Variants in CCDC172 observed in about 807,000 individuals in gnomAD.
CCDC172 encodes the protein coiled-coil domain-containing protein 172.
In CCDC172, 30 loss-of-function variants were observed where a neutral mutation model predicts 38.0. The observed-to-expected ratio is 0.79, with a 90% CI of 0.59 to 1.07. The LOEUF (loss-of-function observed/expected upper bound fraction) is 1.07, where lower values mean the gene tolerates loss of function less well. CCDC172 is among the 50% of genes least tolerant of loss of function. The pLI, the probability that CCDC172 is intolerant of heterozygous loss-of-function variation, is 0.00. For synonymous variants in CCDC172, 78 were observed against 88.3 expected (o/e 0.88, Z 0.66); for missense variants, 297 against 290.1 (o/e 1.02, Z -0.17).
At chr10:116,351,663 C>G (rs1423170055) in intron 5 of CCDC172, among the ~76,000 whole-genome samples, 1 of 152,076 alleles carries the variant, frequency 6.6e-6, no homozygotes. Context: ...TCTATCACAA[C>G]TAAAAGACTG....
chr10:116,324,734 G>A (rs1844568252), intron 1 of CCDC172, 121 bp downstream of exon 1: 1 of 431,608 alleles, frequency 2.3e-6, no homozygotes, highest in East Asian at 4.2e-5. Context: ...CTTAGGGCGT[G>A]AGGGAGAAAA....
intron 3 of CCDC172, among the ~76,000 whole-genome samples, chr10:116,334,326 A>G (rs1844703121): frequency 6.6e-6 from 1 of 152,176 alleles, no homozygotes; most frequent in Non-Finnish European, 1.5e-5. Context: ...AAATTAAGAT[A>G]GTTTGATTGT....
Position 116,357,861 on chromosome 10 carries a change from C to T in CCDC172, c.576C>T (p.Ser192=). 1 of 1,526,654 alleles carries T rather than the reference C, an allele frequency of 6.6e-7. No individual in the cohort carries two copies. Among genetic ancestry groups the T allele is most frequent in the Non-Finnish European group, 8.9e-7 (1 of 1,125,860 alleles). The allele number at this position is 1,526,654 out of a possible 1,614,324, so 94.6% of individuals were successfully genotyped here. ...TTTTTGAAGATGAAGAGAATGAATC[C>T]ATTTGTACTACCAAATATCTAGAGG... The part of the protein sequence containing the change: ...LKVFEDEENE[S]ICTTKYLEAE... Residue 192 remains serine, a synonymous_variant, in exon 7 of 9, where the codon TCC becomes TCT. Coordinates refer to ENST00000333254, the MANE Select transcript of CCDC172 (RefSeq NM_198515.3).
At chr10:116,366,703 G>A (rs1278998411) in intron 7 of CCDC172, among the ~76,000 whole-genome samples, 1 of 152,164 alleles carries the variant, frequency 6.6e-6, no homozygotes, top group Admixed American at 6.5e-5. Context: ...TGCTGAGTGT[G>A]GGGCATGCGA....
At chr10:116,360,738 G>A (rs1251283477) in intron 7 of CCDC172, among the ~76,000 whole-genome samples, 1 of 152,030 alleles carries the variant, frequency 6.6e-6, no homozygotes, top group East Asian at 1.9e-4. Flanking sequence ...CTCAGAGAGC[G>A]TGTTTTCCCA....
intron 5 of CCDC172, among the ~76,000 whole-genome samples, chr10:116,342,970 T>C (rs184240358): frequency 4.6e-5 from 7 of 152,096 alleles, no homozygotes; most frequent in Non-Finnish European, 8.8e-5. Flanking sequence ...TTCTTCTTCT[T>C]CTTCTTTTTT....
At chr10:116,358,859 C>G (rs756585105) in intron 7 of CCDC172, among the ~76,000 whole-genome samples, 4 of 151,860 alleles carry the variant, frequency 2.6e-5, no homozygotes, top group Non-Finnish European at 5.9e-5. Context: ...CCACTGGTGT[C>G]ATTAGAGTTA....
intron 7 of CCDC172, among the ~76,000 whole-genome samples, chr10:116,377,475 C>T (rs566640894): frequency 8.3e-4 from 127 of 152,212 alleles, no homozygotes; most frequent in Non-Finnish European, 1.5e-3. Flanking sequence ...TGAATGTAAC[C>T]GCTTCAGTTC....
intron 6 of CCDC172, 97 bp downstream of exon 6, chr10:116,357,578 GA>G (rs1845014756): frequency 9.9e-7 from 1 of 1,013,164 alleles, no homozygotes; most frequent in African/African-American, 1.7e-5. Context: ...AACCTGTTGT[GA>G]TATAGTGCTA....
intron 5 of CCDC172, among the ~76,000 whole-genome samples, chr10:116,348,217 C>A (rs549234977): frequency 1.3e-5 from 2 of 152,114 alleles, no homozygotes; most frequent in South Asian, 2.1e-4. Context: ...AGAAGTTGTT[C>A]AAATTTTAAG....
At chr10:116,379,006 T>C (rs560464406) in intron 8 of CCDC172, among the ~76,000 whole-genome samples, 52 of 152,314 alleles carry the variant, frequency 3.4e-4, no homozygotes, top group African/African-American at 1.2e-3. Flanking sequence ...TAAATTGCTT[T>C]AACCTCTTAC....
chr10:116,326,218 T>C (rs920520082), intron 3 of CCDC172, among the ~76,000 whole-genome samples: 4 of 152,128 alleles, frequency 2.6e-5, no homozygotes, highest in Non-Finnish European at 2.9e-5. Context: ...CTGGGCAACA[T>C]AGTGAGACCC....
At chr10:116,346,762 T>G (rs2134932187) in intron 5 of CCDC172, among the ~76,000 whole-genome samples, 1 of 152,318 alleles carries the variant, frequency 6.6e-6, no homozygotes, top group African/African-American at 2.4e-5. Context: ...TCAGAGTACC[T>G]GATATTGTTG....
rs114020051 is a variant in CCDC172, at chr10:116,352,188, G to T, written c.449-5192G>T. ...TTAAATTAAATTAAATATTCTTCTAGACCTACCCTAAAAAATTCTTATAAA... is the reference window on the plus strand; with the variant it reads ...TTAAATTAAATTAAATATTCTTCTATACCTACCCTAAAAAATTCTTATAAA... On this transcript the variant is annotated intron_variant, in intron 5 of 8. Transcript: ENST00000333254. 4.6e-3 allele frequency among the ~76,000 whole-genome samples: 693 copies of T among 152,218 alleles called. 3 individuals are homozygous for T. Among genetic ancestry groups the T allele is most frequent in the African/African-American group, 0.016 (659 of 41,518 alleles).
chr10:116,341,567 A>G (rs1342547255), intron 4 of CCDC172, among the ~76,000 whole-genome samples: 1 of 152,060 alleles, frequency 6.6e-6, no homozygotes, highest in African/African-American at 2.4e-5. Context: ...AAGTGAATAT[A>G]TAATTTTGAT....
At chr10:116,366,065 A>G (rs900303269) in intron 7 of CCDC172, among the ~76,000 whole-genome samples, 1 of 152,172 alleles carries the variant, frequency 6.6e-6, no homozygotes, top group Non-Finnish European at 1.5e-5. Context: ...GTATTTCACC[A>G]TCCACCCTTA....
chr10:116,372,572 G>C (rs1343787432), intron 7 of CCDC172, among the ~76,000 whole-genome samples: 1 of 152,042 alleles, frequency 6.6e-6, no homozygotes, highest in East Asian at 1.9e-4. Context: ...TGGCTTTTTA[G>C]ATTTACCATA....
intron 5 of CCDC172, among the ~76,000 whole-genome samples, chr10:116,352,895 T>C: frequency 6.6e-6 from 1 of 151,982 alleles, no homozygotes; most frequent in East Asian, 1.9e-4. Context: ...AGGAAAACTA[T>C]TAGAGCTAAT....
intron 7 of CCDC172, among the ~76,000 whole-genome samples, chr10:116,365,795 T>A (rs1453226036): frequency 6.6e-6 from 1 of 152,132 alleles, no homozygotes; most frequent in Non-Finnish European, 1.5e-5. Flanking sequence ...GACTGCACTT[T>A]TTATTCCACC....
Sources: allele counts gnomAD v4.1 joint callset (sites outside exome capture counted in the v4.1 genomes callset), GRCh38; gene constraint gnomAD v4.1.1; transcripts MANE v1.5; gene names NCBI Gene and HGNC (gene_info 2026-07-23, HGNC 2026-07-21).